The following CPNE9 variants were observed in gnomAD, a reference collection of about 807,000 sequenced individuals.
CPNE9 encodes the protein copine-9.
CPNE9 carries 59 observed loss-of-function variants against 83.0 expected under a neutral mutation model. That is an observed-to-expected ratio of 0.71 (90% confidence interval 0.58 to 0.88). The LOEUF (loss-of-function observed/expected upper bound fraction) is 0.88. Among genes scored for constraint, CPNE9 ranks in the 40% least tolerant of loss-of-function variants. The pLI is 0.00. For synonymous variants in CPNE9, 256 were observed against 273.4 expected (o/e 0.94, Z 0.63); for missense variants, 619 against 720.8 (o/e 0.86, Z 1.62).
chr3:9,711,961 C>G (rs1435702070), intron 7 of CPNE9, among the ~76,000 whole-genome samples: 2 of 152,184 alleles, frequency 1.3e-5, no homozygotes, highest in African/African-American at 4.8e-5. Context: ...ACAATCCACT[C>G]TACTTACCTA....
chr3:9,703,913 G>A lies in CPNE9; in HGVS notation c.-84G>A. 8.4e-7 allele frequency: 1 copy of A among 1,186,196 alleles called. No homozygotes were observed. Among genetic ancestry groups the A allele is most frequent in the Non-Finnish European group, 1.1e-6 (1 of 872,526 alleles). The allele number at this position is 1,186,196 out of a possible 1,614,324, so 73.5% of individuals were successfully genotyped here. A position where few individuals can be genotyped will look rare whatever the true frequency, so the allele number is the denominator to read the frequency against. On this transcript the variant is annotated 5_prime_UTR_variant, in exon 1 of 21. It removes an upstream start codon present in the reference 5' UTR. Transcript: ENST00000383832. Reference sequence around the variant, plus strand: ...CGCCGCCGCCGACACCGCGGCACATGGGCCGGCCCCGCCGCTGCCGTCGCC... The same window carrying A: ...CGCCGCCGCCGACACCGCGGCACATAGGCCGGCCCCGCCGCTGCCGTCGCC...
At position 9,704,193 on chromosome 3, in the gene CPNE9, T is replaced by C; in HGVS notation, c.68+129T>C. 3.5e-6 allele frequency: 3 copies of C among 851,700 alleles called. No individual in the cohort carries two copies. In the Admixed American group the frequency reaches 7.9e-5, roughly 23 times the overall value. The allele number at this position is 851,700 out of a possible 1,614,324, so 52.8% of individuals were successfully genotyped here. On this transcript the variant is annotated intron_variant, in intron 1 of 20. Coordinates refer to ENST00000383832, the MANE Select transcript of CPNE9 (RefSeq NM_153635.3). This position sits in a 1 kb window ranked among gnomAD's most constrained non-coding sequence, Gnocchi z 7.1. ...AAATTGGCTGGAAAATCACAGCTGA[T>C]GACAGGGCGAGTAGCTGGTGGGATC...
At chr3:9,728,700 C>T (rs1206859458) in intron 20 of CPNE9, among the ~76,000 whole-genome samples, 1 of 152,128 alleles carries the variant, frequency 6.6e-6, no homozygotes, top group Non-Finnish European at 1.5e-5. Context: ...ATACATTTGG[C>T]AGTCATTAGA....
At chr3:9,705,566 C>G (rs1467808978) in intron 5 of CPNE9, 66 bp downstream of exon 5, 6 of 1,576,756 alleles carry the variant, frequency 3.8e-6, no homozygotes, top group Admixed American at 3.3e-5. Context: ...TTCAACGACT[C>G]TCAGAACTCC....
At position 9,725,940 on chromosome 3, in the gene CPNE9, C is replaced by T. The variant is rs2076780760; in HGVS notation, c.1242-9C>T. The stretch of plus-strand genomic sequence containing the variant: ...TTTCAGCTGGATTCTCATTTGGCCT[C>T]TCATCCAGGGCTGCAGCCAAGATCT... On this transcript the variant is annotated splice_polypyrimidine_tract_variant and intron_variant, in intron 17 of 20. Transcript: ENST00000383832. 1 of 1,606,530 alleles carries T rather than the reference C, an allele frequency of 6.2e-7. No individual in the cohort carries two copies. Among genetic ancestry groups the T allele is most frequent in the African/African-American group, 1.3e-5 (1 of 74,700 alleles).
chr3:9,714,540 T>C (rs2076660193), intron 10 of CPNE9, among the ~76,000 whole-genome samples: 1 of 147,104 alleles, frequency 6.8e-6, no homozygotes, highest in African/African-American at 2.5e-5. Flanking sequence ...AAAATAATAA[T>C]AATAGTAATT....
chr3:9,704,092 A>AGGCACT lies in CPNE9; in HGVS notation c.68+36_68+41dup, dbSNP rs765701922. On this transcript the variant is annotated intron_variant, in intron 1 of 20. Transcript: ENST00000383832. The surrounding 1 kb of genome is among the most constrained non-coding windows in gnomAD (Gnocchi z 7.1). ...GAGCGGGCCGCGCTGGGGAGGGCTT[A>AGGCACT]GGCACTGGCACTGCCCCAGCCCCAG... 71 of 1,593,264 alleles carry AGGCACT rather than the reference A, an allele frequency of 4.5e-5. No homozygotes were observed. The Middle Eastern group carries it at 8.4e-4, about 19-fold the overall frequency.
At chr3:9,709,668 A>G (rs1029526352) in intron 7 of CPNE9, among the ~76,000 whole-genome samples, 42 of 151,426 alleles carry the variant, frequency 2.8e-4, no homozygotes, top group African/African-American at 8.7e-4. Context: ...ACGCCTAGCC[A>G]AGTTTATAAT....
chr3:9,709,364 ATT>A (rs1199207151), intron 7 of CPNE9, among the ~76,000 whole-genome samples: 10 of 137,038 alleles, frequency 7.3e-5, no homozygotes, highest in African/African-American at 8.0e-5. Context: ...TAAGTTTATA[ATT>A]TTTTTTTTTT....
intron 14 of CPNE9, 40 bp from the exon 15 acceptor site, chr3:9,717,018 A>G: frequency 6.2e-7 from 1 of 1,602,254 alleles, no homozygotes; most frequent in South Asian, 1.1e-5. Flanking sequence ...TGTAATAATC[A>G]TTAGTTCCTC....
intron 5 of CPNE9, 33 bp from the exon 6 acceptor site, chr3:9,705,685 T>C (rs1193450372): frequency 6.2e-7 from 1 of 1,613,670 alleles, no homozygotes; most frequent in Admixed American, 1.7e-5. Flanking sequence ...ACTGTTCCTC[T>C]TCCTTCTTGG....
Position 9,714,975 on chromosome 3 carries a change from T to G in CPNE9, c.692+20T>G, listed in dbSNP as rs745617299. The stretch of plus-strand genomic sequence containing the variant: ...TGGAAGGTAGAACTGCCCCACATGG[T>G]CCCTTCTCCTGTACTTGACCCAAGC... On this transcript the variant is annotated intron_variant, in intron 11 of 20. Transcript: ENST00000383832. 1.2e-6 allele frequency: 2 copies of G among 1,609,478 alleles called. No individual in the cohort carries two copies. Among genetic ancestry groups the G allele is most frequent in the African/African-American group, 2.7e-5 (2 of 74,804 alleles).
chr3:9,729,720 T>A lies in CPNE9; in HGVS notation c.*28T>A. 1 of 1,583,354 alleles carries A rather than the reference T, an allele frequency of 6.3e-7. No individual in the cohort carries two copies. Among genetic ancestry groups the A allele is most frequent in the Non-Finnish European group, 8.6e-7 (1 of 1,158,618 alleles). On this transcript the variant is annotated 3_prime_UTR_variant, in exon 21 of 21. Coordinates refer to ENST00000383832, the MANE Select transcript of CPNE9 (RefSeq NM_153635.3). Reference sequence around the variant, plus strand: ...ATTCCACATATCCAATGCCTCACAGTCTGCAAGCCTGCTCACCCACTGCTT... The same window carrying A: ...ATTCCACATATCCAATGCCTCACAGACTGCAAGCCTGCTCACCCACTGCTT...
chr3:9,722,928 C>G (rs1383733933), intron 17 of CPNE9, among the ~76,000 whole-genome samples: 1 of 152,176 alleles, frequency 6.6e-6, no homozygotes, highest in Non-Finnish European at 1.5e-5. Context: ...TAAACCCAAC[C>G]CATTTTTCAG....
At chr3:9,717,337 G>C (rs977113994) in intron 15 of CPNE9, among the ~76,000 whole-genome samples, 51 of 152,310 alleles carry the variant, frequency 3.3e-4, no homozygotes, top group African/African-American at 1.1e-3. Flanking sequence ...ATGGATGAGA[G>C]AGAAAGGGGG....
At chr3:9,713,413 A>G (rs1447321777) in intron 10 of CPNE9, among the ~76,000 whole-genome samples, 1 of 152,154 alleles carries the variant, frequency 6.6e-6, no homozygotes, top group African/African-American at 2.4e-5. Context: ...TGGATATATG[A>G]GTGAATTGAT....
chr3:9,720,763 T>C (rs1287552507), intron 17 of CPNE9, among the ~76,000 whole-genome samples: 3 of 152,218 alleles, frequency 2.0e-5, no homozygotes, highest in Non-Finnish European at 2.9e-5. Context: ...CTTATGCAAC[T>C]ACACTAATTC....
chr3:9,726,819 T>C, intron 19 of CPNE9, 97 bp downstream of exon 19: 7 of 1,088,378 alleles, frequency 6.4e-6, no homozygotes, highest in Non-Finnish European at 9.8e-6. Context: ...TGACACAAGG[T>C]AGACACCCCC....
At position 9,714,960 on chromosome 3, in the gene CPNE9, A is replaced by T; in HGVS notation, c.692+5A>T. 6.2e-7 allele frequency: 1 copy of T among 1,613,440 alleles called. No individual in the cohort carries two copies. The highest frequency in any genetic ancestry group is 1.3e-5 in the African/African-American group (1 of 75,020). On this transcript the variant is annotated splice_donor_5th_base_variant and intron_variant, in intron 11 of 20. Transcript: ENST00000383832. ...CGACTGGGACCGGGATGGAAGGTAG[A>T]ACTGCCCCACATGGTCCCTTCTCCT...
Sources: allele counts gnomAD v4.1 joint callset (sites outside exome capture counted in the v4.1 genomes callset), GRCh38; gene constraint gnomAD v4.1.1; non-coding constraint Gnocchi (gnomAD v3.1); transcripts MANE v1.5; gene names NCBI Gene and HGNC (gene_info 2026-07-23, HGNC 2026-07-21).